The following COLGALT2 variants were observed in gnomAD, a reference collection of about 807,000 sequenced individuals.
COLGALT2 encodes procollagen galactosyltransferase 2.
COLGALT2 carries 49 observed loss-of-function variants against 73.4 expected under a neutral mutation model. That is an observed-to-expected ratio of 0.67 (90% CI 0.53 to 0.85). The LOEUF (loss-of-function observed/expected upper bound fraction) is 0.85. COLGALT2 is among the 40% of genes least tolerant of loss of function. COLGALT2 has a pLI of 0.00. For synonymous variants in COLGALT2, 295 were observed against 307.6 expected (o/e 0.96, Z 0.43); for missense variants, 722 against 790.2 (o/e 0.91, Z 1.03).
intron 1 of COLGALT2, among the ~76,000 whole-genome samples, chr1:183,987,278 C>T (rs1218134895): frequency 6.6e-6 from 1 of 152,230 alleles, no homozygotes; most frequent in African/African-American, 2.4e-5. Flanking sequence ...TTCACCCACT[C>T]ATCATGGCCC....
rs899410782 is a variant in COLGALT2 at position 183,937,691 on chromosome 1, G to A, written c.*1070C>T. 1.6e-4 allele frequency: 160 copies of A among 985,270 alleles called. No homozygotes were observed. Among genetic ancestry groups the A allele is most frequent in the Non-Finnish European group, 1.9e-4 (154 of 829,940 alleles). The allele number at this position is 985,270 out of a possible 1,614,324, so 61.0% of individuals were successfully genotyped here. ...GTGTCCACACCCACCACTCCCCCGG[G>A]TGCCGTGGAAGTCTGCAACATCTGT... On this transcript the variant is annotated 3_prime_UTR_variant, in exon 12 of 12. Coordinates refer to ENST00000361927, the MANE Select transcript of COLGALT2 (RefSeq NM_015101.4).
intron 1 of COLGALT2, among the ~76,000 whole-genome samples, chr1:184,027,011 G>T (rs1271745920): frequency 2.6e-5 from 4 of 152,102 alleles, no homozygotes; most frequent in Non-Finnish European, 5.9e-5. Context: ...CATACAGTGG[G>T]TAAAACATTT....
chr1:184,000,219 C>T lies in COLGALT2; in HGVS notation c.264-21699G>A, dbSNP rs558336850. On this transcript the variant is annotated intron_variant, in intron 1 of 11. Transcript: ENST00000361927. ...TCAACTTTTCAGTCTCGTTTTTTGG[C>T]CTCTATGTGTCTATTTTTTGTAAAA... Among the ~76,000 whole-genome samples the T allele has an allele frequency of 2.0e-5, 3 of 152,036 alleles. No homozygotes were observed. The East Asian group carries it at 5.8e-4, about 29-fold the overall frequency.
intron 2 of COLGALT2, 34 bp from the exon 3 acceptor site, chr1:183,975,248 T>C (rs754878325): frequency 2.1e-5 from 28 of 1,330,322 alleles, no homozygotes; most frequent in African/African-American, 2.9e-5. Context: ...CATTATTGAG[T>C]GCCTACATGT....
intron 1 of COLGALT2, among the ~76,000 whole-genome samples, chr1:183,994,239 C>T (rs904006948): frequency 4.6e-5 from 7 of 151,524 alleles, no homozygotes; most frequent in African/African-American, 1.7e-4. Context: ...AGGGTTTCAC[C>T]GTGTGAGCCA....
intron 1 of COLGALT2, among the ~76,000 whole-genome samples, chr1:184,025,119 G>T (rs1021226504): frequency 1.3e-5 from 2 of 152,232 alleles, no homozygotes; most frequent in African/African-American, 4.8e-5. Context: ...CAGAACCATT[G>T]TCAGAGGACT....
chr1:184,022,507 C>G (rs909831836), intron 1 of COLGALT2, among the ~76,000 whole-genome samples: 1 of 152,138 alleles, frequency 6.6e-6, no homozygotes, highest in Non-Finnish European at 1.5e-5. Context: ...AATGAGAACT[C>G]TAAATTCACT....
chr1:183,954,894 G>T, intron 6 of COLGALT2, 56 bp from the exon 7 acceptor site: 1 of 1,343,118 alleles, frequency 7.4e-7, no homozygotes. Context: ...TCAGAAATCA[G>T]AATTCCATCC....
intron 1 of COLGALT2, among the ~76,000 whole-genome samples, chr1:183,984,404 C>T (rs1671433478): frequency 6.6e-6 from 1 of 152,150 alleles, no homozygotes; most frequent in African/African-American, 2.4e-5. Context: ...GATTCTGTCT[C>T]AAAAGAAAAA....
chr1:183,949,880 C>T (rs1670350614), intron 8 of COLGALT2, among the ~76,000 whole-genome samples: 1 of 152,166 alleles, frequency 6.6e-6, no homozygotes, highest in African/African-American at 2.4e-5. Context: ...TCTCACTACT[C>T]AACTAGTTTC....
intron 6 of COLGALT2, among the ~76,000 whole-genome samples, chr1:183,957,449 C>A (rs111581038): frequency 1.2e-4 from 18 of 152,192 alleles, no homozygotes; most frequent in African/African-American, 4.3e-4. Context: ...TAAGCCCAGT[C>A]ATGTCTGGAA....
At chr1:183,943,543 G>A (rs1022062608) in intron 10 of COLGALT2, among the ~76,000 whole-genome samples, 3 of 151,558 alleles carry the variant, frequency 2.0e-5, no homozygotes, top group African/African-American at 7.3e-5. Flanking sequence ...AAAGGGAAGG[G>A]AAGAAAAAAG....
intron 4 of COLGALT2, 30 bp downstream of exon 4, chr1:183,973,586 A>T: frequency 6.2e-7 from 1 of 1,613,328 alleles, no homozygotes; most frequent in African/African-American, 1.3e-5. Flanking sequence ...TAAAACTAGT[A>T]GCCTTAATTC....
intron 9 of COLGALT2, among the ~76,000 whole-genome samples, 184 bp from the exon 10 acceptor site, chr1:183,944,507 G>C (rs1235880671): frequency 6.6e-6 from 1 of 152,176 alleles, no homozygotes; most frequent in Non-Finnish European, 1.5e-5. Flanking sequence ...GAGGATATAT[G>C]ATCACAATTA....
chr1:183,975,218 A>G lies in COLGALT2; in HGVS notation c.375-4T>C. On this transcript the variant is annotated splice_region_variant and splice_polypyrimidine_tract_variant and intron_variant, in intron 2 of 11. Transcript: ENST00000361927. ...TCCAATTTCATCAGGGTAAGACCTA[A>G]AATAATAATAATAGCTCATCATTAT... 1 of 1,574,322 alleles carries G rather than the reference A, an allele frequency of 6.4e-7. No homozygotes were observed. Among genetic ancestry groups the G allele is most frequent in the Non-Finnish European group, 8.7e-7 (1 of 1,144,434 alleles).
At chr1:183,991,384 G>T (rs1366870017) in intron 1 of COLGALT2, among the ~76,000 whole-genome samples, 3 of 152,134 alleles carry the variant, frequency 2.0e-5, no homozygotes, top group African/African-American at 7.2e-5. Flanking sequence ...CTCTGCTACA[G>T]TATTTGTTTC....
chr1:184,006,492 G>GAGAATC (rs1390886776), intron 1 of COLGALT2, among the ~76,000 whole-genome samples: 12 of 152,062 alleles, frequency 7.9e-5, no homozygotes, highest in Non-Finnish European at 2.9e-5. Flanking sequence ...TCTGAGGCAG[G>GAGAATC]AGAATCGCTT....
At chr1:184,030,376 T>C (rs1487448311) in intron 1 of COLGALT2, among the ~76,000 whole-genome samples, 1 of 152,188 alleles carries the variant, frequency 6.6e-6, no homozygotes, top group African/African-American at 2.4e-5. Flanking sequence ...GGAATAGGTG[T>C]AGTGGCCATA....
At chr1:184,019,181 A>AG (rs1171635893) in intron 1 of COLGALT2, among the ~76,000 whole-genome samples, 1 of 152,206 alleles carries the variant, frequency 6.6e-6, no homozygotes, top group Admixed American at 6.5e-5. Context: ...AAGGAATCGA[A>AG]GTCCACTGAG....
Sources: allele counts gnomAD v4.1 joint callset (sites outside exome capture counted in the v4.1 genomes callset), GRCh38; gene constraint gnomAD v4.1.1; transcripts MANE v1.5; gene names NCBI Gene and HGNC (gene_info 2026-07-23, HGNC 2026-07-21).